The following ANKRD42 variants were observed in gnomAD, a reference collection of about 807,000 sequenced individuals.
The protein encoded by ANKRD42 is ankyrin repeat domain-containing protein 42.
ANKRD42 carries 43 observed loss-of-function variants against 51.5 expected under a neutral mutation model. The ratio of observed to expected loss-of-function variants is 0.83; its 90% CI spans 0.65 to 1.08. The LOEUF (loss-of-function observed/expected upper bound fraction) is 1.08. Among genes scored for constraint, ANKRD42 ranks in the 50% least tolerant of loss-of-function variants. The pLI is 0.00. For synonymous variants in ANKRD42, 203 were observed against 213.0 expected (o/e 0.95, Z 0.41); for missense variants, 608 against 629.3 (o/e 0.97, Z 0.36).
At chr11:83,259,661 T>C (rs143960228), downstream of ANKRD42, 1 of 151,938 alleles carries the variant, frequency 6.6e-6, no homozygotes, top group Non-Finnish European at 1.5e-5. Flanking sequence ...TTGGAGAAGT[T>C]TTTTTTTAGG....
chr11:83,206,383 C>CT (rs1464604604), intron 3 of ANKRD42, among the ~76,000 whole-genome samples: 1 of 152,070 alleles, frequency 6.6e-6, no homozygotes, highest in African/African-American at 2.4e-5. Flanking sequence ...TGGCTGTCTG[C>CT]GTTGTTTTAA....
At chr11:83,246,060 G>T (rs942290650) in intron 10 of ANKRD42, among the ~76,000 whole-genome samples, 1 of 152,194 alleles carries the variant, frequency 6.6e-6, no homozygotes. Flanking sequence ...GGTTGTCTCT[G>T]CCTTTCACTT....
At chr11:83,259,277 C>G (rs1189465310), downstream of ANKRD42, 1 of 152,112 alleles carries the variant, frequency 6.6e-6, no homozygotes, top group Non-Finnish European at 1.5e-5. Context: ...TCCTCTCATC[C>G]TTATTTCATA....
In ANKRD42 at chr11:83,198,607, C is replaced by A; in HGVS notation, c.187C>A (p.Pro63Thr). 3.1e-6 allele frequency: 5 copies of A among 1,609,126 alleles called. No homozygotes were observed. The highest frequency in any genetic ancestry group is 2.2e-5 in the East Asian group (1 of 44,536). The change falls in exon 2 of 11, where the codon CCT (proline) becomes ACT (threonine). Residue 63 changes from proline (P) to threonine (T), a missense_variant. Coordinates refer to ENST00000533342, the MANE Select transcript of ANKRD42 (RefSeq NM_001300975.2). ...NELDVLHKFT[P>T]LHWAAHSGSL... ...ACTTGATGTTCTCCATAAGTTTACC[C>A]CTTTACATTGGGCAGCACATTCTGG...
At chr11:83,225,337 T>G (rs1287617444) in intron 6 of ANKRD42, among the ~76,000 whole-genome samples, 1 of 151,738 alleles carries the variant, frequency 6.6e-6, no homozygotes, top group Non-Finnish European at 1.5e-5. Flanking sequence ...GAGTCTGAGG[T>G]GAGTGGATTG....
downstream of ANKRD42, among the ~76,000 whole-genome samples, chr11:83,251,935 C>T (rs1863682063): frequency 6.6e-6 from 1 of 152,134 alleles, no homozygotes; most frequent in South Asian, 2.1e-4. Context: ...TTCAGTTCAT[C>T]AAAGATTATA....
chr11:83,258,270 T>C (rs578084763), downstream of ANKRD42, among the ~76,000 whole-genome samples: 8 of 152,316 alleles, frequency 5.3e-5, 1 homozygote, highest in African/African-American at 1.7e-4. Context: ...ATTAAAATTA[T>C]AATACAATTC....
chr11:83,242,567 G>GTTTTTTTTTTGTTTGT, intron 9 of ANKRD42, among the ~76,000 whole-genome samples: 1 of 115,546 alleles, frequency 8.7e-6, no homozygotes, highest in East Asian at 2.5e-4. Context: ...TGGTAGTTAA[G>GTTTTTTTTTTGTTTGT]TTTTTTTTTT....
At chr11:83,231,412 GT>G (rs1863068955) in intron 7 of ANKRD42, among the ~76,000 whole-genome samples, 2 of 152,060 alleles carry the variant, frequency 1.3e-5, no homozygotes, top group Non-Finnish European at 2.9e-5. Flanking sequence ...CAGATTATTA[GT>G]TTTTCCTATA....
intron 10 of ANKRD42, among the ~76,000 whole-genome samples, chr11:83,247,265 C>T (rs1333177272): frequency 6.6e-6 from 1 of 151,902 alleles, no homozygotes; most frequent in East Asian, 1.9e-4. Flanking sequence ...GATAGGGTTA[C>T]ACCGTGTTGG....
At chr11:83,212,549 T>G in intron 5 of ANKRD42, 1 of 976,670 alleles carries the variant, frequency 1.0e-6, no homozygotes, top group Non-Finnish European at 1.6e-6. Flanking sequence ...CACAGTGAGA[T>G]TGGAGTGAAA....
At chr11:83,255,727 T>TA (rs1225032644) in intron 11 of ANKRD42, 10 of 679,292 alleles carry the variant, frequency 1.5e-5, no homozygotes, top group Non-Finnish European at 2.4e-5. Flanking sequence ...AGAAATTTAA[T>TA]CAGAGTTGAA....
At chr11:83,205,969 C>T (rs1309549413) in intron 2 of ANKRD42, 89 bp from the exon 3 acceptor site, 1 of 1,066,548 alleles carries the variant, frequency 9.4e-7, no homozygotes, top group African/African-American at 1.6e-5. Context: ...TCACTACAGT[C>T]TGCTATTTTA....
At chr11:83,223,533 G>C (rs1862780350) in intron 5 of ANKRD42, among the ~76,000 whole-genome samples, 1 of 152,180 alleles carries the variant, frequency 6.6e-6, no homozygotes, top group East Asian at 1.9e-4. Flanking sequence ...CCTGAACAAT[G>C]TGGAGAGAAC....
chr11:83,233,828 A>C (rs921387955), intron 7 of ANKRD42, among the ~76,000 whole-genome samples: 1 of 152,140 alleles, frequency 6.6e-6, no homozygotes, highest in Non-Finnish European at 1.5e-5. Context: ...GATTACAGGC[A>C]TGTGCCATCA....
chr11:83,212,898 T>C (rs762061926), intron 5 of ANKRD42: 98 of 1,452,218 alleles, frequency 6.7e-5, no homozygotes, highest in Non-Finnish European at 8.7e-5. Context: ...CTTTGTATTT[T>C]GTAAGTTTTT....
At chr11:83,245,648 A>G in intron 10 of ANKRD42, 24 bp downstream of exon 10, 1 of 1,521,008 alleles carries the variant, frequency 6.6e-7, no homozygotes, top group African/African-American at 1.4e-5. Flanking sequence ...AACTTTAATG[A>G]TTTGTTTTTA....
intron 5 of ANKRD42, chr11:83,213,360 C>T: frequency 6.3e-7 from 1 of 1,578,902 alleles, no homozygotes; most frequent in East Asian, 2.3e-5. Flanking sequence ...CCATCGGAGT[C>T]ACACCAACCC....
At chr11:83,247,106 T>G (rs1382207993) in intron 10 of ANKRD42, among the ~76,000 whole-genome samples, 1 of 148,372 alleles carries the variant, frequency 6.7e-6, no homozygotes, top group Non-Finnish European at 1.5e-5. Flanking sequence ...GTTTGAAGTG[T>G]TTTGAGATGT....
Sources: allele counts gnomAD v4.1 joint callset (sites outside exome capture counted in the v4.1 genomes callset), GRCh38; gene constraint gnomAD v4.1.1; transcripts MANE v1.5; gene names NCBI Gene and HGNC (gene_info 2026-07-23, HGNC 2026-07-21).